Variants in SLK observed in about 807,000 individuals in gnomAD.
SLK encodes STE20-like serine/threonine-protein kinase.
SLK carries 67 observed loss-of-function variants against 147.7 expected under a neutral mutation model. The observed-to-expected ratio is 0.45, with a 90% confidence interval of 0.37 to 0.56. The LOEUF is 0.56. SLK is among the 20% of genes least tolerant of loss of function. SLK has a pLI of 0.00. For missense variants in SLK, 1,136 were observed against 1,438.8 expected (o/e 0.79, Z 3.41); for synonymous variants, 441 against 475.0 (o/e 0.93, Z 0.93).
At chr10:103,993,377 G>T (rs1458512792) in intron 4 of SLK, among the ~76,000 whole-genome samples, 1 of 151,910 alleles carries the variant, frequency 6.6e-6, no homozygotes, top group Admixed American at 6.6e-5. Flanking sequence ...TTTCAAAAAG[G>T]CATGCTTTTT....
At chr10:103,978,888 T>C (rs894341172) in intron 1 of SLK, among the ~76,000 whole-genome samples, 2 of 152,226 alleles carry the variant, frequency 1.3e-5, no homozygotes, top group Admixed American at 1.3e-4. Flanking sequence ...TCATCCCTCC[T>C]TCCATCCCTT....
At position 104,018,914 on chromosome 10, in the gene SLK, T is replaced by A; in HGVS notation, c.3132+6T>A. 1 of 1,559,150 alleles carries A rather than the reference T, an allele frequency of 6.4e-7. No homozygotes were observed. Among genetic ancestry groups the A allele is most frequent in the Non-Finnish European group, 8.6e-7 (1 of 1,157,284 alleles). On this transcript the variant is annotated splice_donor_region_variant and intron_variant, in intron 15 of 18. Coordinates refer to ENST00000369755, the MANE Select transcript of SLK (RefSeq NM_014720.4). ...TACTTAAGCGCCACGAGAAGGTTAA[T>A]GAAAGGAAAATTTCTTCATTTTTTT...
intron 1 of SLK, among the ~76,000 whole-genome samples, chr10:103,973,007 A>G (rs544094779): frequency 8.5e-5 from 13 of 152,160 alleles, no homozygotes; most frequent in African/African-American, 3.1e-4. Context: ...TTCTCACTGT[A>G]GTGTCTTTTT....
At chr10:104,015,509 A>G (rs955780064) in intron 13 of SLK, among the ~76,000 whole-genome samples, 1 of 152,174 alleles carries the variant, frequency 6.6e-6, no homozygotes, top group African/African-American at 2.4e-5. Flanking sequence ...ATGTGATACT[A>G]AGGGAAGGGA....
In SLK at chr10:104,026,229, TTAAA is replaced by T. The variant is rs934994796; in HGVS notation, c.*512_*515del. Reference sequence around the variant, plus strand: ...TCAGTAAATGAATATATTTTTTTCTTTAAATAGGAACAACCTCTTTTAAAAGAGA... The same window carrying T: ...TCAGTAAATGAATATATTTTTTTCTTTAGGAACAACCTCTTTTAAAAGAGA... On this transcript the variant is annotated 3_prime_UTR_variant, in exon 19 of 19. Coordinates refer to ENST00000369755, the MANE Select transcript of SLK (RefSeq NM_014720.4). 2 of 152,658 alleles carry T rather than the reference TTAAA, an allele frequency of 1.3e-5. No homozygotes were observed. Among genetic ancestry groups the T allele is most frequent in the African/African-American group, 2.4e-5 (1 of 41,458 alleles). 9.5% of individuals were successfully genotyped at this position (152,658 alleles called of 1,614,324 possible).
At chr10:103,970,243 A>G (rs751823422) in intron 1 of SLK, among the ~76,000 whole-genome samples, 2 of 152,254 alleles carry the variant, frequency 1.3e-5, no homozygotes, top group Non-Finnish European at 1.5e-5. Context: ...AACCAAGAAG[A>G]TAATAAACCA....
intron 13 of SLK, among the ~76,000 whole-genome samples, chr10:104,017,626 C>T (rs781603193): frequency 2.0e-5 from 3 of 152,118 alleles, no homozygotes; most frequent in Non-Finnish European, 4.4e-5. Context: ...ATTACAGGCA[C>T]CCGCTACCAC....
intron 1 of SLK, among the ~76,000 whole-genome samples, chr10:103,969,260 T>C (rs920694792): frequency 3.3e-5 from 5 of 152,124 alleles, no homozygotes; most frequent in African/African-American, 1.2e-4. Context: ...TGAGCCACCG[T>C]CCCCGGCTGC....
At chr10:104,008,052 T>C in intron 11 of SLK, 125 bp from the exon 12 acceptor site, 1 of 625,958 alleles carries the variant, frequency 1.6e-6, no homozygotes, top group Non-Finnish European at 2.6e-6. Flanking sequence ...TTTTTCAGTA[T>C]TGTGAAGGTT....
Position 104,018,892 on chromosome 10 carries a change from T to A in SLK, c.3116T>A (p.Leu1039His), listed in dbSNP as rs747883842. The change falls in exon 15 of 19, where the codon CTT becomes CAT. Residue 1039 changes from leucine to histidine, a missense_variant. By Grantham distance (99) the Leu-to-His change is moderately conservative (BLOSUM62 -3). This residue lies in a region of SLK where 327 missense variants were observed against 457.5 expected (regional missense o/e 0.71). Transcript: ENST00000369755. ...TATTTCATGCAAAGACATCAGCTAC[T>A]TAAGCGCCACGAGAAGGTTAATGAA... is the stretch of plus-strand genomic sequence containing the variant. The part of the protein sequence containing the change: ...DQYFMQRHQL[L>H]KRHEKETEQM... 2 of 1,595,142 alleles carry A rather than the reference T, an allele frequency of 1.3e-6. No homozygotes were observed. Among genetic ancestry groups the A allele is most frequent in the Non-Finnish European group, 1.7e-6 (2 of 1,173,838 alleles).
At chr10:103,976,039 A>G (rs1843866012) in intron 1 of SLK, among the ~76,000 whole-genome samples, 1 of 152,008 alleles carries the variant, frequency 6.6e-6, no homozygotes, top group Admixed American at 6.6e-5. Context: ...AGTAGCTGGG[A>G]CTGTAGGCAC....
At chr10:103,999,976 TA>T in intron 7 of SLK, 28 bp downstream of exon 7, 7 of 998,458 alleles carry the variant, frequency 7.0e-6, no homozygotes, top group Non-Finnish European at 7.5e-6. Context: ...CAGCAAATAA[TA>T]TAATTATTTT....
chr10:104,023,444 G>C (rs1270322885), intron 18 of SLK, among the ~76,000 whole-genome samples: 1 of 152,024 alleles, frequency 6.6e-6, no homozygotes, highest in Non-Finnish European at 1.5e-5. Flanking sequence ...ACCATTTCTA[G>C]GCCTAGTTTT....
intron 1 of SLK, among the ~76,000 whole-genome samples, chr10:103,971,940 T>C (rs1387862705): frequency 6.6e-6 from 1 of 152,258 alleles, no homozygotes; most frequent in East Asian, 1.9e-4. Context: ...CTTTAAGTTA[T>C]TCATTTATTT....
At chr10:104,021,867 C>T in intron 18 of SLK, 134 bp downstream of exon 18, 4 of 567,186 alleles carry the variant, frequency 7.1e-6, no homozygotes, top group Non-Finnish European at 1.3e-5. Context: ...AGTTTTTGTC[C>T]CCAGAAGTTT....
intron 1 of SLK, among the ~76,000 whole-genome samples, chr10:103,976,431 T>C (rs1843871877): frequency 6.6e-6 from 1 of 152,200 alleles, no homozygotes; most frequent in Non-Finnish European, 1.5e-5. Flanking sequence ...TTGTTATTAA[T>C]ATTATCTTTA....
At chr10:103,984,252 C>T (rs1386396444) in intron 1 of SLK, among the ~76,000 whole-genome samples, 1 of 152,044 alleles carries the variant, frequency 6.6e-6, no homozygotes, top group African/African-American at 2.4e-5. Flanking sequence ...GATTTCTTTG[C>T]AAAATACTAA....
chr10:104,027,572 A>G lies in SLK; in HGVS notation c.*1852A>G, dbSNP rs1191340852. The G allele has an allele frequency of 1.3e-5, 2 of 152,624 alleles. No individual in the cohort carries two copies. The highest frequency in any genetic ancestry group is 2.9e-5 in the Non-Finnish European group (2 of 68,038). The allele number at this position is 152,624 out of a possible 1,614,324, so 9.5% of individuals were successfully genotyped here. A position where few individuals can be genotyped will look rare whatever the true frequency, so the allele number is the denominator to read the frequency against. ...TGTTTATATTGTTATGATAAAAATG[A>G]CAGTATAATGTTGCCCAGTGTATTT... On this transcript the variant is annotated 3_prime_UTR_variant, in exon 19 of 19. Transcript: ENST00000369755.
chr10:103,979,993 A>T (rs935611698), intron 1 of SLK, among the ~76,000 whole-genome samples: 9 of 152,162 alleles, frequency 5.9e-5, no homozygotes, highest in Non-Finnish European at 1.3e-4. Flanking sequence ...TGCCTTCTAC[A>T]TTAGGTGTGT....
Sources: allele counts gnomAD v4.1 joint callset (sites outside exome capture counted in the v4.1 genomes callset), GRCh38; gene constraint gnomAD v4.1.1; regional missense constraint gnomAD v4.1.1; transcripts MANE v1.5; gene names NCBI Gene and HGNC (gene_info 2026-07-23, HGNC 2026-07-21).